Variants in NUDCD3 observed in about 807,000 individuals in gnomAD.
NUDCD3 encodes nudC domain-containing protein 3.
A neutral mutation model predicts 39.7 loss-of-function variants in NUDCD3; 13 were observed. The observed-to-expected ratio is 0.33, with a 90% CI of 0.21 to 0.52. The LOEUF (loss-of-function observed/expected upper bound fraction) is 0.52, where lower values mean the gene tolerates loss of function less well. Ranked by LOEUF, NUDCD3 falls within the 20% of genes least tolerant of loss-of-function variation. The pLI, the probability that NUDCD3 is intolerant of heterozygous loss-of-function variation, is 0.96. For missense variants in NUDCD3, 453 were observed against 458.1 expected (o/e 0.99, Z 0.10); for synonymous variants, 175 against 172.4 (o/e 1.02, Z -0.12).
chr7:44,455,482 C>T (rs1395131823), intron 2 of NUDCD3, among the ~76,000 whole-genome samples: 2 of 152,074 alleles, frequency 1.3e-5, no homozygotes, highest in Non-Finnish European at 2.9e-5. Context: ...ACCTCTTCCA[C>T]AAGCTCCTCA....
At chr7:44,458,685 G>C (rs776398553) in intron 2 of NUDCD3, among the ~76,000 whole-genome samples, 5 of 152,136 alleles carry the variant, frequency 3.3e-5, no homozygotes, top group Non-Finnish European at 7.3e-5. Context: ...TCTGGAATTA[G>C]ATAATAGTGG....
At chr7:44,387,016 C>A (rs1375366342) in intron 5 of NUDCD3, among the ~76,000 whole-genome samples, 1 of 152,156 alleles carries the variant, frequency 6.6e-6, no homozygotes, top group African/African-American at 2.4e-5. Context: ...CTATGTAGGG[C>A]CAGTAGTTAT....
At chr7:44,468,229 C>T (rs1585099813) in intron 2 of NUDCD3, 3 of 1,597,420 alleles carry the variant, frequency 1.9e-6, no homozygotes, top group Non-Finnish European at 2.5e-6. Flanking sequence ...GCAAAGCCAT[C>T]GTGGAAACAG....
rs1307767651 is a variant in NUDCD3, at chr7:44,477,424, T to C, written c.509+7544A>G. Among the ~76,000 whole-genome samples the C allele has an allele frequency of 2.6e-5, 4 of 152,238 alleles. No individual in the cohort carries two copies. The East Asian group carries it at 7.7e-4, about 29-fold the overall frequency. The stretch of plus-strand genomic sequence containing the variant: ...CTGTTAAAGAATTCTGCTCGTGATT[T>C]TTAAAAGGAAAAGCCCAGGACTGAC... On this transcript the variant is annotated intron_variant, in intron 2 of 5. Transcript: ENST00000355451.
intron 4 of NUDCD3, among the ~76,000 whole-genome samples, chr7:44,399,521 A>G (rs1424550324): frequency 6.6e-6 from 1 of 152,262 alleles, no homozygotes; most frequent in African/African-American, 2.4e-5. Flanking sequence ...GACTCAGGAA[A>G]GTGGCTCGCC....
At chr7:44,473,681 AC>A (rs1407318523) in intron 2 of NUDCD3, among the ~76,000 whole-genome samples, 1 of 152,228 alleles carries the variant, frequency 6.6e-6, no homozygotes, top group Non-Finnish European at 1.5e-5. Flanking sequence ...TTTAGGAAGA[AC>A]CTGCTTCTAT....
At chr7:44,412,929 AAAAAAAAAAAAAAG>A (rs1798956542) in intron 3 of NUDCD3, among the ~76,000 whole-genome samples, 1 of 145,786 alleles carries the variant, frequency 6.9e-6, no homozygotes, top group African/African-American at 2.6e-5. Flanking sequence ...GCCGTCTCAA[AAAAAAAAAAAAAAG>A]AAAAAAAAAA....
intron 2 of NUDCD3, among the ~76,000 whole-genome samples, chr7:44,482,467 C>A (rs749882235): frequency 1.3e-5 from 2 of 152,220 alleles, no homozygotes; most frequent in African/African-American, 2.4e-5. Context: ...CCTATAATCC[C>A]AGCACTTTGG....
At chr7:44,414,973 T>A (rs1290647719) in intron 3 of NUDCD3, among the ~76,000 whole-genome samples, 1 of 152,200 alleles carries the variant, frequency 6.6e-6, no homozygotes, top group East Asian at 1.9e-4. Context: ...CAACAGTGAC[T>A]GCACCAGCCT....
At chr7:44,417,026 C>T (rs1799039597) in intron 3 of NUDCD3, among the ~76,000 whole-genome samples, 1 of 152,194 alleles carries the variant, frequency 6.6e-6, no homozygotes, top group African/African-American at 2.4e-5. Context: ...CTATACGGCA[C>T]CTGCCTCCAT....
At chr7:44,389,689 C>T (rs186451017) in intron 5 of NUDCD3, among the ~76,000 whole-genome samples, 1 of 152,286 alleles carries the variant, frequency 6.6e-6, no homozygotes, top group African/African-American at 2.4e-5. Context: ...AGATCTGTGT[C>T]TGTCTTCCTC....
chr7:44,473,859 G>GA (rs546570786), intron 2 of NUDCD3, among the ~76,000 whole-genome samples: 1 of 151,762 alleles, frequency 6.6e-6, no homozygotes, highest in Non-Finnish European at 1.5e-5. Context: ...AATTTTGAGG[G>GA]AAAAAAAAGA....
chr7:44,442,764 C>T (rs1326125265), intron 2 of NUDCD3, among the ~76,000 whole-genome samples: 4 of 149,018 alleles, frequency 2.7e-5, no homozygotes, highest in Admixed American at 6.7e-5. Context: ...GGCGCTATCG[C>T]GGCTCACTGC....
chr7:44,490,652 G>T lies in NUDCD3; in HGVS notation c.-52C>A. 1 of 1,512,740 alleles carries T rather than the reference G, an allele frequency of 6.6e-7. No individual in the cohort carries two copies. 93.7% of individuals were successfully genotyped at this position (1,512,740 alleles called of 1,614,324 possible). ...ACACACACAGCGCCGCCTCAGACCT[G>T]CCGACTGGCCACTTCCGGCGTCCGC... On this transcript the variant is annotated 5_prime_UTR_variant, in exon 1 of 6. Transcript: ENST00000355451.
chr7:44,472,840 C>T (rs1800283238), intron 2 of NUDCD3, among the ~76,000 whole-genome samples: 1 of 152,168 alleles, frequency 6.6e-6, no homozygotes, highest in South Asian at 2.1e-4. Flanking sequence ...AGGATGGGGT[C>T]GGGTACTCTG....
chr7:44,468,024 A>G, intron 2 of NUDCD3: 1 of 1,613,046 alleles, frequency 6.2e-7, no homozygotes, highest in Non-Finnish European at 8.5e-7. Context: ...GGCACTGACA[A>G]CAGGGTTCGT....
At chr7:44,410,847 GT>G (rs1184818562) in intron 3 of NUDCD3, among the ~76,000 whole-genome samples, 5 of 151,978 alleles carry the variant, frequency 3.3e-5, no homozygotes, top group Admixed American at 3.3e-4. Flanking sequence ...CGTGCCTGTA[GT>G]TCCAGCTACT....
chr7:44,427,457 C>G, intron 3 of NUDCD3, 114 bp downstream of exon 3: 1 of 1,192,818 alleles, frequency 8.4e-7, no homozygotes, highest in Non-Finnish European at 1.2e-6. Flanking sequence ...AGGAACACAC[C>G]TCACATCCTA....
At chr7:44,490,316 G>C (rs1390628803) in intron 1 of NUDCD3, 93 bp downstream of exon 1, 19 of 1,248,586 alleles carry the variant, frequency 1.5e-5, no homozygotes, top group Non-Finnish European at 1.6e-5. Context: ...GGAAAAGGAG[G>C]AAACAGGCTG....
Sources: gnomAD v4.1 joint callset for allele counts (sites outside exome capture counted in the v4.1 genomes callset) on GRCh38, gnomAD v4.1.1 for gene constraint, MANE v1.5 for transcripts, NCBI Gene and HGNC (gene_info 2026-07-23, HGNC 2026-07-21) for gene names.